ZNF568: variants seen among roughly 807,000 people sequenced by gnomAD.
ZNF568 encodes the protein p53 inhibitor of SCO2 activation.
Under a neutral mutation model 18.1 loss-of-function variants are expected in ZNF568, and 11 were observed. The ratio of observed to expected loss-of-function variants is 0.61; its 90% CI spans 0.38 to 1.00. The LOEUF (loss-of-function observed/expected upper bound fraction) is 1.00. Ranked by LOEUF, ZNF568 falls within the 50% of genes least tolerant of loss-of-function variation. The probability of loss-of-function intolerance (pLI) is 0.01; values close to 1 mark genes in which losing one functional copy is unlikely to be tolerated. For missense variants in ZNF568, 639 were observed against 768.2 expected, an observed-to-expected ratio of 0.83 and a Z score of 1.99; for synonymous variants, 213 against 246.6, an observed-to-expected ratio of 0.86 and a Z score of 1.28.
intron 7 of ZNF568, among the ~76,000 whole-genome samples, chr19:36,975,366 C>G (rs1354858286): frequency 1.3e-5 from 2 of 150,718 alleles, no homozygotes; most frequent in Non-Finnish European, 2.9e-5. Context: ...CCAGGATGGT[C>G]TCGATCTCCT....
chr19:36,997,892 G>A, downstream of ZNF568: 1 of 339,126 alleles, frequency 2.9e-6, no homozygotes, highest in South Asian at 3.6e-5. Context: ...AAAAATTGAA[G>A]ACCTCCATGA....
At chr19:36,945,166 C>T (rs2073941498) in intron 6 of ZNF568, among the ~76,000 whole-genome samples, 1 of 151,356 alleles carries the variant, frequency 6.6e-6, no homozygotes, top group Non-Finnish European at 1.5e-5. Context: ...TTAGAATATA[C>T]TCTCTTTTAT....
chr19:36,948,739 G>A (rs138867053), intron 6 of ZNF568, among the ~76,000 whole-genome samples: 1,870 of 133,784 alleles, frequency 0.014, 19 homozygotes, highest in Non-Finnish European at 0.021. Context: ...TTGTTGTTTC[G>A]TTTTTCCTTC....
chr19:36,932,025 A>G (rs1288270569), intron 4 of ZNF568, among the ~76,000 whole-genome samples: 1 of 152,180 alleles, frequency 6.6e-6, no homozygotes, highest in South Asian at 2.1e-4. Flanking sequence ...GCTTAGCATT[A>G]TGTTTTCAAG....
At chr19:36,953,703 G>A (rs2074086194), downstream of ZNF568, among the ~76,000 whole-genome samples, 1 of 152,074 alleles carries the variant, frequency 6.6e-6, no homozygotes, top group Non-Finnish European at 1.5e-5. Context: ...CCTGAGGTCA[G>A]GAATTCAAGA....
At chr19:36,972,921 T>A (rs940579987) in intron 6 of ZNF568, among the ~76,000 whole-genome samples, 4 of 152,348 alleles carry the variant, frequency 2.6e-5, no homozygotes, top group African/African-American at 9.6e-5. Flanking sequence ...GGTTTGCGGC[T>A]ACATTTTTCT....
At chr19:36,945,200 CAG>C (rs1032484628) in intron 6 of ZNF568, among the ~76,000 whole-genome samples, 1 of 131,234 alleles carries the variant, frequency 7.6e-6, no homozygotes, top group Non-Finnish European at 1.6e-5. Flanking sequence ...GGAAGAGAGA[CAG>C]AGAGAGAAGT....
At chr19:36,977,161 C>CT (rs2146337890) in intron 7 of ZNF568, among the ~76,000 whole-genome samples, 1 of 152,100 alleles carries the variant, frequency 6.6e-6, no homozygotes, top group African/African-American at 2.4e-5. Context: ...AAATTTTTCC[C>CT]TTTTTGCTGT....
intron 2 of ZNF568, 63 bp from the exon 3 acceptor site, chr19:36,922,523 T>C (rs567861131): frequency 2.8e-6 from 1 of 363,304 alleles, no homozygotes; most frequent in Admixed American, 4.5e-5. Flanking sequence ...TCTTGGAAGC[T>C]GGTTATCACA....
At chr19:36,925,891 G>T (rs1404895673) in intron 4 of ZNF568, among the ~76,000 whole-genome samples, 1 of 152,172 alleles carries the variant, frequency 6.6e-6, no homozygotes, top group Non-Finnish European at 1.5e-5. Context: ...TTGAGCATCA[G>T]TGGATTTTGG....
chr19:36,997,448 C>T (rs763000383), downstream of ZNF568: 1 of 1,589,334 alleles, frequency 6.3e-7, no homozygotes, highest in Non-Finnish European at 8.5e-7. Context: ...AAAGTTCACA[C>T]TGGGGAGAGA....
At chr19:36,997,444 C>T (rs61745621), downstream of ZNF568, 2,927 of 1,589,742 alleles carry the variant, frequency 1.8e-3, 46 homozygotes, top group African/African-American at 0.034. Context: ...TCAAAAAGTT[C>T]ACACTGGGGA....
intron 6 of ZNF568, among the ~76,000 whole-genome samples, chr19:36,941,859 A>T (rs756482195): frequency 6.6e-6 from 1 of 152,148 alleles, no homozygotes; most frequent in Non-Finnish European, 1.5e-5. Context: ...ATGTCAGATT[A>T]TAGCAGTGCT....
exon 3 of ZNF568, chr19:36,991,196 G>A (rs1448463189): frequency 6.5e-7 from 1 of 1,535,770 alleles, no homozygotes; most frequent in South Asian, 1.2e-5. Flanking sequence ...TCAAAGATGT[G>A]GTCATTTACT....
chr19:36,922,653 C>G lies in ZNF568; in HGVS notation c.-118C>G. The G allele has an allele frequency of 1.4e-6, 1 of 696,932 alleles. No homozygotes were observed. Among genetic ancestry groups the G allele is most frequent in the Non-Finnish European group, 2.4e-6 (1 of 412,784 alleles). The allele number at this position is 696,932 out of a possible 1,614,324, so 43.2% of individuals were successfully genotyped here. On this transcript the variant is annotated 5_prime_UTR_variant, in exon 3 of 7. In the 5' UTR this introduces an upstream ATG that the reference lacks. Coordinates refer to ENST00000333987, the MANE Select transcript of ZNF568 (RefSeq NM_198539.4). ...GAAGTCTGAGGAACAGGTGTCTTATCATGGAAGGAGACCTGACCTGAGACC... is the reference window on the plus strand; with the variant it reads ...GAAGTCTGAGGAACAGGTGTCTTATGATGGAAGGAGACCTGACCTGAGACC...
intron 2 of ZNF568, among the ~76,000 whole-genome samples, chr19:36,921,021 A>G (rs2073444774): frequency 6.6e-6 from 1 of 152,236 alleles, no homozygotes; most frequent in Non-Finnish European, 1.5e-5. Context: ...ACCATATAGC[A>G]TAGGTGGGTA....
Position 36,949,657 on chromosome 19 carries a change from TG to T in ZNF568, c.505del (p.Val169LeufsTer21). 1 of 1,613,828 alleles carries T rather than the reference TG, an allele frequency of 6.2e-7. No individual in the cohort carries two copies. Among genetic ancestry groups the T allele is most frequent in the South Asian group, 1.1e-5 (1 of 91,020 alleles). On this transcript the variant is annotated frameshift_variant, in exon 7 of 7. Transcript: ENST00000333987. LOFTEE classifies it low-confidence loss of function (END_TRUNC). Reference sequence around the variant, plus strand: ...AAATATTTCCTCTGAGTTCAGACATTGTTACTTCAAGACAAAGCTTCTATGA... The same window carrying T: ...AAATATTTCCTCTGAGTTCAGACATTTTACTTCAAGACAAAGCTTCTATGA... ...AKIFPLSSDI[V>X]TSRQSFYDCD...
At chr19:36,948,427 A>T (rs1194331499) in intron 6 of ZNF568, among the ~76,000 whole-genome samples, 1 of 152,202 alleles carries the variant, frequency 6.6e-6, no homozygotes, top group East Asian at 1.9e-4. Flanking sequence ...GTAAATATCC[A>T]TGTGCAGATT....
At chr19:36,937,025 GTGTCAT>G in intron 5 of ZNF568, 116 bp from the exon 6 acceptor site, 1 of 1,348,652 alleles carries the variant, frequency 7.4e-7, no homozygotes, top group South Asian at 1.4e-5. Context: ...TGATTACTTT[GTGTCAT>G]TGTGTAAGTT....
Sources: gnomAD v4.1 joint callset for allele counts (sites outside exome capture counted in the v4.1 genomes callset) on GRCh38, gnomAD v4.1.1 for gene constraint, MANE v1.5 for transcripts, NCBI Gene and HGNC (gene_info 2026-07-23, HGNC 2026-07-21) for gene names.